Variants in SAMD12 observed in about 807,000 individuals in gnomAD.
SAMD12 encodes the protein sterile alpha motif domain-containing protein 12.
A neutral mutation model predicts 15.0 loss-of-function variants in SAMD12; 9 were observed. The observed-to-expected ratio is 0.60, with a 90% CI of 0.36 to 1.05. The LOEUF (loss-of-function observed/expected upper bound fraction) is 1.05, where lower values mean the gene tolerates loss of function less well. Among genes scored for constraint, SAMD12 ranks in the 50% least tolerant of loss-of-function variants. SAMD12 has a pLI of 0.01. For missense variants in SAMD12, 230 were observed against 234.2 expected (o/e 0.98, Z 0.12); for synonymous variants, 86 against 90.1 (o/e 0.96, Z 0.25).
At chr8:118,315,180 T>C (rs1815830719) in intron 4 of SAMD12, among the ~76,000 whole-genome samples, 1 of 152,212 alleles carries the variant, frequency 6.6e-6, no homozygotes, top group South Asian at 2.1e-4. Flanking sequence ...CCACTGCCAT[T>C]TGCTTTTGGT....
At chr8:118,429,627 C>G (rs1432243955) in intron 3 of SAMD12, among the ~76,000 whole-genome samples, 1 of 152,288 alleles carries the variant, frequency 6.6e-6, no homozygotes, top group East Asian at 1.9e-4. Context: ...GGTGTGGTGG[C>G]TCATGCCTGT....
the SAMD12 span, among the ~76,000 whole-genome samples, chr8:118,163,919 A>G: frequency 1.4e-5 from 2 of 145,218 alleles, no homozygotes; most frequent in Admixed American, 6.9e-5. Context: ...AAAACAAAAA[A>G]ACAAACCTGG....
At chr8:118,428,877 G>T (rs1414366685) in intron 3 of SAMD12, among the ~76,000 whole-genome samples, 1 of 152,064 alleles carries the variant, frequency 6.6e-6, no homozygotes. Flanking sequence ...AGGTGGGCAA[G>T]TCCTCAAAAG....
chr8:118,142,755 C>T, the SAMD12 span, among the ~76,000 whole-genome samples: 1 of 152,194 alleles, frequency 6.6e-6, no homozygotes, highest in African/African-American at 2.4e-5. Flanking sequence ...TTTCTGATCT[C>T]TGCAGTGCCA....
At chr8:118,390,349 C>A (rs951756775) in intron 3 of SAMD12, among the ~76,000 whole-genome samples, 5 of 152,184 alleles carry the variant, frequency 3.3e-5, no homozygotes, top group African/African-American at 9.7e-5. Flanking sequence ...GTCCCTCCAA[C>A]TTTCAGTGCA....
At chr8:118,150,125 C>T in the SAMD12 span, among the ~76,000 whole-genome samples, 7 of 152,166 alleles carry the variant, frequency 4.6e-5, no homozygotes, top group African/African-American at 9.7e-5. Flanking sequence ...TGCTACTAAA[C>T]GTCCTTCTGT....
intron 4 of SAMD12, among the ~76,000 whole-genome samples, chr8:118,364,287 A>C (rs1223409906): frequency 6.6e-6 from 1 of 152,106 alleles, no homozygotes; most frequent in African/African-American, 2.4e-5. Flanking sequence ...GGGAAATAGG[A>C]GGTGGAATTT....
At position 118,570,817 on chromosome 8, in the gene SAMD12, A is replaced by G. The variant is rs576670631; in HGVS notation, c.192+9898T>C. Reference sequence around the variant, plus strand: ...TTGTGGGAGGGACCCAGTGGGAGGTAATTGAATCATGCAGGCAAGTCTTTC... The same window carrying G: ...TTGTGGGAGGGACCCAGTGGGAGGTGATTGAATCATGCAGGCAAGTCTTTC... On this transcript the variant is annotated intron_variant, in intron 2 of 3. Transcript: ENST00000314727. Among the ~76,000 whole-genome samples the G allele has an allele frequency of 2.6e-5, 4 of 152,258 alleles. No individual in the cohort carries two copies. In the South Asian group the frequency reaches 6.2e-4, roughly 24 times the overall value.
At chr8:118,541,897 G>A (rs1446368221) in intron 2 of SAMD12, among the ~76,000 whole-genome samples, 1 of 152,092 alleles carries the variant, frequency 6.6e-6, no homozygotes, top group Non-Finnish European at 1.5e-5. Flanking sequence ...ATGCTACCCA[G>A]GCTGGTCTTG....
At chr8:118,434,075 G>A (rs1165178781) in intron 3 of SAMD12, among the ~76,000 whole-genome samples, 2 of 152,140 alleles carry the variant, frequency 1.3e-5, no homozygotes, top group African/African-American at 2.4e-5. Context: ...AGAGAACAAC[G>A]TTAGCAAATG....
chr8:118,258,609 A>AC (rs1377805144), intron 4 of SAMD12, among the ~76,000 whole-genome samples: 5 of 151,928 alleles, frequency 3.3e-5, no homozygotes, highest in East Asian at 1.9e-4. Context: ...CTGATCCATT[A>AC]CCCCCCCTCA....
intron 2 of SAMD12, among the ~76,000 whole-genome samples, chr8:118,493,914 C>A (rs996341564): frequency 6.6e-6 from 1 of 152,162 alleles, no homozygotes; most frequent in African/African-American, 2.4e-5. Context: ...ATAATAAAAC[C>A]AACCCTAGCC....
At chr8:118,158,702 G>A in the SAMD12 span, among the ~76,000 whole-genome samples, 30 of 152,224 alleles carry the variant, frequency 2.0e-4, no homozygotes, top group East Asian at 7.8e-4. Context: ...TTCCAGGCCT[G>A]CCCATGGCTG....
intron 2 of SAMD12, among the ~76,000 whole-genome samples, chr8:118,485,908 G>C (rs1824264429): frequency 6.6e-6 from 1 of 152,190 alleles, no homozygotes; most frequent in Admixed American, 6.5e-5. Context: ...TGTTGTATCA[G>C]TCAGGGTCCT....
At chr8:118,216,594 T>C (rs530975095) in intron 4 of SAMD12, among the ~76,000 whole-genome samples, 11 of 152,334 alleles carry the variant, frequency 7.2e-5, no homozygotes, top group African/African-American at 2.6e-4. Flanking sequence ...AGTAGCAGCA[T>C]AGAAGTAGCC....
chr8:118,175,855 G>A, the SAMD12 span, among the ~76,000 whole-genome samples: 1 of 152,222 alleles, frequency 6.6e-6, no homozygotes, highest in Admixed American at 6.5e-5. Flanking sequence ...TGGCAAGATT[G>A]TGGAGAAAAG....
Position 118,275,341 on chromosome 8 carries a change from G to A in SAMD12, c.434-77609C>T, listed in dbSNP as rs1813447793. On this transcript the variant is annotated intron_variant, in intron 4 of 4. Coordinates refer to the SAMD12 transcript ENST00000409003. ...TCTTAGGATGGCTTGTTAACATTCT[G>A]TTTACTTGTTAATGTTCTAAGTATT... Among the ~76,000 whole-genome samples, 2 of 151,994 alleles carry A rather than the reference G, an allele frequency of 1.3e-5. 1 individual carries two copies. The highest frequency in any genetic ancestry group is 4.1e-4 in the South Asian group (2 of 4,826).
chr8:118,182,033 C>T, the SAMD12 span, among the ~76,000 whole-genome samples: 2 of 152,052 alleles, frequency 1.3e-5, no homozygotes, highest in African/African-American at 2.4e-5. Flanking sequence ...TTTTTTTCCA[C>T]TTGGCCGCAG....
At chr8:118,356,745 CAT>C (rs1390183591) in intron 4 of SAMD12, among the ~76,000 whole-genome samples, 1 of 152,174 alleles carries the variant, frequency 6.6e-6, no homozygotes, top group Admixed American at 6.5e-5. Flanking sequence ...TCAAACCTCA[CAT>C]GTCTCAAACT....
Sources: allele counts gnomAD v4.1 joint callset (sites outside exome capture counted in the v4.1 genomes callset), GRCh38; gene constraint gnomAD v4.1.1; transcripts MANE v1.5; gene names NCBI Gene and HGNC (gene_info 2026-07-23, HGNC 2026-07-21).